Variants in EYS observed in about 807,000 individuals in gnomAD.
EYS encodes protein eyes shut homolog.
A neutral mutation model predicts 282.1 loss-of-function variants in EYS; 250 were observed. The observed-to-expected ratio is 0.89, with a 90% CI of 0.80 to 0.98. The LOEUF (loss-of-function observed/expected upper bound fraction) is 0.98, where lower values mean the gene tolerates loss of function less well. Among genes scored for constraint, EYS ranks in the 50% least tolerant of loss-of-function variants. The probability of loss-of-function intolerance (pLI) is 0.00; values close to 1 mark genes in which losing one functional copy is unlikely to be tolerated. For synonymous variants in EYS, 1,355 were observed against 1,282.9 expected (o/e 1.06, Z -1.20); for missense variants, 4,016 against 3,709.0 (o/e 1.08, Z -2.15).
intron 22 of EYS, among the ~76,000 whole-genome samples, chr6:64,788,732 T>G (rs1421477092): frequency 6.6e-6 from 1 of 152,204 alleles, no homozygotes; most frequent in Non-Finnish European, 1.5e-5. Context: ...TTTCTTTCCC[T>G]ATTGTCACTT....
chr6:64,887,006 A>G (rs1562243242), intron 18 of EYS, among the ~76,000 whole-genome samples, 164 bp from the exon 19 acceptor site: 1 of 151,902 alleles, frequency 6.6e-6, no homozygotes, highest in East Asian at 1.9e-4. Context: ...TTCTCCTTGC[A>G]AAATTTTGTT....
chr6:65,189,271 C>G (rs1166878652), intron 12 of EYS, among the ~76,000 whole-genome samples: 2 of 151,640 alleles, frequency 1.3e-5, no homozygotes, highest in Non-Finnish European at 3.0e-5. Flanking sequence ...ATTCCTTATT[C>G]AATATCAACT....
At chr6:64,829,398 A>G (rs539936594) in intron 19 of EYS, among the ~76,000 whole-genome samples, 1 of 152,020 alleles carries the variant, frequency 6.6e-6, no homozygotes, top group Non-Finnish European at 1.5e-5. Flanking sequence ...CAGATATCCA[A>G]TCTTCCAGGA....
chr6:63,826,027 G>A (rs113788135), intron 36 of EYS, among the ~76,000 whole-genome samples: 49 of 152,246 alleles, frequency 3.2e-4, no homozygotes, highest in Middle Eastern at 6.8e-3. Flanking sequence ...AATATTCAAG[G>A]AAATAGATAG....
intron 31 of EYS, among the ~76,000 whole-genome samples, chr6:64,157,828 C>T (rs1236269145): frequency 6.6e-6 from 1 of 152,226 alleles, no homozygotes; most frequent in Non-Finnish European, 1.5e-5. Context: ...AATGGAGGAC[C>T]TCTGTTAGGG....
At chr6:63,824,933 C>A (rs1771418625) in intron 36 of EYS, among the ~76,000 whole-genome samples, 2 of 152,166 alleles carry the variant, frequency 1.3e-5, no homozygotes, top group Non-Finnish European at 2.9e-5. Context: ...GGCGCCAATC[C>A]CGCTTGCAGA....
chr6:64,969,543 A>C (rs1043204155), intron 14 of EYS, among the ~76,000 whole-genome samples: 2 of 152,186 alleles, frequency 1.3e-5, no homozygotes, highest in African/African-American at 2.4e-5. Context: ...TCTGTAAAAA[A>C]TGAGGGCCAG....
intron 22 of EYS, among the ~76,000 whole-genome samples, chr6:64,807,639 A>G (rs1426628119): frequency 1.3e-5 from 2 of 152,072 alleles, no homozygotes; most frequent in Admixed American, 1.3e-4. Flanking sequence ...TCATTACGTA[A>G]TATAAAGTCA....
In EYS at chr6:64,579,659, T is replaced by C. The variant is rs549889744; in HGVS notation, c.5644+10564A>G. On this transcript the variant is annotated intron_variant, in intron 26 of 42. Coordinates refer to ENST00000503581, the MANE Select transcript of EYS (RefSeq NM_001142800.2). Reference sequence around the variant, plus strand: ...CTGGACCAGGTCACAGACAGGGTTATTGGCTTAGGTCCTCTGCTTAGAACA... The same window carrying C: ...CTGGACCAGGTCACAGACAGGGTTACTGGCTTAGGTCCTCTGCTTAGAACA... Among the ~76,000 whole-genome samples the C allele has an allele frequency of 1.8e-4, 28 of 152,190 alleles. No individual in the cohort carries two copies. The South Asian group carries it at 5.2e-3, about 28-fold the overall frequency.
chr6:65,366,192 G>A (rs1024379982), intron 8 of EYS, among the ~76,000 whole-genome samples: 7 of 151,822 alleles, frequency 4.6e-5, no homozygotes, highest in Non-Finnish European at 7.4e-5. Flanking sequence ...TCCTGTCTGC[G>A]TTAGAAATGG....
At chr6:64,954,621 A>G (rs181262825) in intron 14 of EYS, among the ~76,000 whole-genome samples, 1 of 152,274 alleles carries the variant, frequency 6.6e-6, no homozygotes, top group Non-Finnish European at 1.5e-5. Context: ...TACACCATGG[A>G]CTAAAAATCA....
intron 30 of EYS, among the ~76,000 whole-genome samples, chr6:64,305,284 C>A (rs1769396432): frequency 6.6e-6 from 1 of 151,782 alleles, no homozygotes; most frequent in Non-Finnish European, 1.5e-5. Flanking sequence ...AATGGAATCA[C>A]ATCTCATGTT....
intron 19 of EYS, among the ~76,000 whole-genome samples, chr6:64,834,948 CA>C (rs1484683861): frequency 3.3e-5 from 5 of 151,590 alleles, no homozygotes; most frequent in African/African-American, 1.2e-4. Flanking sequence ...CAAATAATAG[CA>C]AAAATAAGCT....
chr6:64,751,518 G>A (rs1471757698), intron 22 of EYS, among the ~76,000 whole-genome samples: 1 of 152,184 alleles, frequency 6.6e-6, no homozygotes, highest in African/African-American at 2.4e-5. Context: ...GCCTGGTCCA[G>A]CTCCAGGCAG....
At chr6:64,549,166 T>C (rs180959210) in intron 26 of EYS, among the ~76,000 whole-genome samples, 7 of 152,282 alleles carry the variant, frequency 4.6e-5, no homozygotes, top group Admixed American at 4.6e-4. Context: ...ATAACCATGA[T>C]AATATTCCCT....
intron 29 of EYS, among the ~76,000 whole-genome samples, chr6:64,347,902 T>C (rs1373691585): frequency 2.0e-5 from 3 of 151,390 alleles, no homozygotes; most frequent in Non-Finnish European, 3.0e-5. Flanking sequence ...ACCTTATTTC[T>C]GGGTAGAATT....
intron 2 of EYS, among the ~76,000 whole-genome samples, chr6:65,506,661 A>C (rs568874053): frequency 1.4e-5 from 2 of 142,738 alleles, no homozygotes; most frequent in East Asian, 4.1e-4. Flanking sequence ...TTTTTTTTTG[A>C]GACAAAATCT....
At chr6:64,633,573 C>T (rs9353985) in intron 22 of EYS, among the ~76,000 whole-genome samples, 2,181 of 149,670 alleles carry the variant, frequency 0.015, 41 homozygotes, top group East Asian at 0.097. Flanking sequence ...CATTGAGCAA[C>T]TGGGACTCAG....
chr6:64,365,962 A>G (rs919465738), intron 29 of EYS, among the ~76,000 whole-genome samples: 1 of 152,088 alleles, frequency 6.6e-6, no homozygotes, highest in Admixed American at 6.6e-5. Flanking sequence ...TATTGTTTGT[A>G]ATTTGAAAAT....
Sources: gnomAD v4.1 joint callset for allele counts (sites outside exome capture counted in the v4.1 genomes callset) on GRCh38, gnomAD v4.1.1 for gene constraint, MANE v1.5 for transcripts, NCBI Gene and HGNC (gene_info 2026-07-23, HGNC 2026-07-21) for gene names.